PTPRC: variants seen among roughly 807,000 people sequenced by gnomAD.
The protein encoded by PTPRC is receptor-type tyrosine-protein phosphatase C.
PTPRC carries 44 observed loss-of-function variants against 155.9 expected under a neutral mutation model. That is an observed-to-expected ratio of 0.28 (90% CI 0.22 to 0.36). The LOEUF (loss-of-function observed/expected upper bound fraction) is 0.36. Among genes scored for constraint, PTPRC ranks in the 10% least tolerant of loss-of-function variants. PTPRC has a pLI of 1.00. For synonymous variants in PTPRC, 525 were observed against 533.1 expected (o/e 0.98, Z 0.21); for missense variants, 1,401 against 1,564.6 (o/e 0.90, Z 1.76).
chr1:198,692,516 G>C, intron 3 of PTPRC, 143 bp downstream of exon 3: 1 of 1,105,066 alleles, frequency 9.0e-7, no homozygotes. Flanking sequence ...ACATTCACTT[G>C]TTCTTAAACT....
At chr1:198,738,161 C>T (rs1282624589) in intron 23 of PTPRC, among the ~76,000 whole-genome samples, 2 of 151,740 alleles carry the variant, frequency 1.3e-5, no homozygotes, top group African/African-American at 2.4e-5. Flanking sequence ...TTTCTCTTGT[C>T]TGATGGCTCT....
At chr1:198,736,973 C>G (rs1210131841) in intron 23 of PTPRC, among the ~76,000 whole-genome samples, 3 of 151,602 alleles carry the variant, frequency 2.0e-5, no homozygotes. Context: ...TATCTGTTTA[C>G]CATTTGTATG....
chr1:198,727,534 C>A (rs1267356011), intron 15 of PTPRC, among the ~76,000 whole-genome samples: 1 of 152,042 alleles, frequency 6.6e-6, no homozygotes, highest in African/African-American at 2.4e-5. Context: ...TGAATCAACA[C>A]CTTTAGCCAC....
chr1:198,725,239 C>T (rs1432759465), intron 15 of PTPRC, among the ~76,000 whole-genome samples: 1 of 152,088 alleles, frequency 6.6e-6, no homozygotes. Flanking sequence ...CATAAGTTGA[C>T]TTATTATTTT....
chr1:198,741,216 C>T (rs1431394404), intron 23 of PTPRC, among the ~76,000 whole-genome samples: 3 of 151,784 alleles, frequency 2.0e-5, no homozygotes, highest in East Asian at 3.9e-4. Context: ...TTCTTTATAC[C>T]TGGCCATAGA....
intron 2 of PTPRC, among the ~76,000 whole-genome samples, chr1:198,687,624 A>G (rs1415774282): frequency 6.6e-6 from 1 of 151,990 alleles, no homozygotes; most frequent in African/African-American, 2.4e-5. Context: ...GGGTGTGGGG[A>G]ATGTCCTTTA....
At chr1:198,744,007 A>G (rs1655027740) in intron 25 of PTPRC, 47 bp from the exon 26 acceptor site, 1 of 1,526,094 alleles carries the variant, frequency 6.6e-7, no homozygotes, top group African/African-American at 1.4e-5. Flanking sequence ...GACTTGGAGG[A>G]CTCTAGATTA....
chr1:198,718,775 G>C (rs188318845), intron 14 of PTPRC, among the ~76,000 whole-genome samples: 1 of 152,022 alleles, frequency 6.6e-6, no homozygotes, highest in Non-Finnish European at 1.5e-5. Context: ...TCTACTGATC[G>C]TATTTTGTAC....
chr1:198,714,257 C>A (rs1653455296), intron 12 of PTPRC, among the ~76,000 whole-genome samples: 1 of 152,082 alleles, frequency 6.6e-6, no homozygotes, highest in Non-Finnish European at 1.5e-5. Flanking sequence ...AATGTCTACA[C>A]TCTCTCTACT....
At chr1:198,714,717 G>A (rs1653486778) in intron 12 of PTPRC, among the ~76,000 whole-genome samples, 1 of 152,204 alleles carries the variant, frequency 6.6e-6, no homozygotes, top group Admixed American at 6.5e-5. Flanking sequence ...CTAAGGCAAA[G>A]AGAGTTGATA....
intron 2 of PTPRC, among the ~76,000 whole-genome samples, chr1:198,658,608 A>T (rs559509528): frequency 4.6e-5 from 7 of 152,194 alleles, no homozygotes; most frequent in African/African-American, 1.7e-4. Context: ...AGACTAATTA[A>T]CAAGTTTTCT....
chr1:198,644,858 G>C (rs1347277773), intron 2 of PTPRC, among the ~76,000 whole-genome samples: 1 of 151,682 alleles, frequency 6.6e-6, no homozygotes, highest in Non-Finnish European at 1.5e-5. Context: ...AGTATTTAAA[G>C]ATTCAATATT....
chr1:198,696,523 A>G (rs1159937274), intron 3 of PTPRC, among the ~76,000 whole-genome samples, 189 bp from the exon 4 acceptor site: 1 of 152,074 alleles, frequency 6.6e-6, no homozygotes, highest in East Asian at 1.9e-4. Context: ...ATATATGTGT[A>G]TGTATATTTA....
chr1:198,714,862 T>G (rs1653495041), intron 12 of PTPRC, among the ~76,000 whole-genome samples: 1 of 152,212 alleles, frequency 6.6e-6, no homozygotes, highest in African/African-American at 2.4e-5. Context: ...ACTTCATTAC[T>G]TCACAATTTA....
chr1:198,690,526 A>G (rs1665869516), intron 2 of PTPRC, among the ~76,000 whole-genome samples: 1 of 152,126 alleles, frequency 6.6e-6, no homozygotes, highest in Admixed American at 6.6e-5. Flanking sequence ...GAAAGTCATT[A>G]TGTTAATAAT....
In PTPRC at chr1:198,696,827, C is replaced by T. The variant is rs1666227530; in HGVS notation, c.216C>T (p.Thr72=). Residue 72 remains threonine (T), a synonymous_variant, in exon 4 of 33, where the codon ACC becomes ACT. Coordinates refer to ENST00000442510, the MANE Select transcript of PTPRC (RefSeq NM_002838.5). ...TFERENDFSE[T]TTSLSPDNTS... is the part of the protein sequence containing the mutation. ...AAAGAGAAAATGACTTCTCAGAGACCACAACTTCTCTTAGTCCAGACAATA... is the reference window on the plus strand; with the variant it reads ...AAAGAGAAAATGACTTCTCAGAGACTACAACTTCTCTTAGTCCAGACAATA... The T allele has an allele frequency of 3.1e-6, 5 of 1,613,792 alleles. No individual in the cohort carries two copies. Among genetic ancestry groups the T allele is most frequent in the Non-Finnish European group, 4.2e-6 (5 of 1,179,804 alleles).
intron 2 of PTPRC, among the ~76,000 whole-genome samples, chr1:198,685,161 A>C (rs1206665116): frequency 6.6e-6 from 1 of 152,024 alleles, no homozygotes; most frequent in Non-Finnish European, 1.5e-5. Flanking sequence ...TCCTTTACTC[A>C]TGAGATTCCA....
chr1:198,701,988 A>G (rs908443995), intron 5 of PTPRC, among the ~76,000 whole-genome samples: 7 of 152,176 alleles, frequency 4.6e-5, no homozygotes, highest in East Asian at 1.9e-4. Flanking sequence ...TCCTGTGCCA[A>G]CCTTTTACAC....
At chr1:198,656,066 A>G (rs77795602) in intron 2 of PTPRC, among the ~76,000 whole-genome samples, 1,895 of 152,226 alleles carry the variant, frequency 0.012, 38 homozygotes, top group African/African-American at 0.044. Context: ...AAAGATTCAC[A>G]GGTGAGAATT....
Sources: allele counts gnomAD v4.1 joint callset (sites outside exome capture counted in the v4.1 genomes callset), GRCh38; gene constraint gnomAD v4.1.1; transcripts MANE v1.5; gene names NCBI Gene and HGNC (gene_info 2026-07-23, HGNC 2026-07-21).